The following TSPEAR variants were observed in gnomAD, a reference collection of about 807,000 sequenced individuals.
TSPEAR encodes thrombospondin type laminin G domain and EAR repeats.
Under a neutral mutation model 71.6 loss-of-function variants are expected in TSPEAR, and 69 were observed. The ratio of observed to expected loss-of-function variants is 0.96; its 90% confidence interval spans 0.79 to 1.18. The LOEUF (loss-of-function observed/expected upper bound fraction) is 1.18. TSPEAR is among the 50% of genes most tolerant of loss of function. The pLI is 0.00. For missense variants in TSPEAR, 971 were observed against 894.9 expected, an observed-to-expected ratio of 1.09 and a Z score of -1.09; for synonymous variants, 402 against 387.2, an observed-to-expected ratio of 1.04 and a Z score of -0.45.
chr21:44,504,158 GTCTCTT>G (rs2052129421), intron 11 of TSPEAR, among the ~76,000 whole-genome samples: 1 of 144,236 alleles, frequency 6.9e-6, no homozygotes, highest in Non-Finnish European at 1.5e-5. Flanking sequence ...GGGGAAGCAA[GTCTCTT>G]GGAGGAGGCC....
chr21:44,502,808 G>C (rs1191099088), intron 11 of TSPEAR, among the ~76,000 whole-genome samples: 2 of 149,864 alleles, frequency 1.3e-5, no homozygotes, highest in Non-Finnish European at 3.0e-5. Context: ...GAGCCCCCGG[G>C]GGGAAGCAAG....
intron 1 of TSPEAR, chr21:44,580,742 T>G: frequency 1.3e-6 from 1 of 743,378 alleles, no homozygotes; most frequent in Middle Eastern, 3.9e-4. Context: ...CAAGCTTCTC[T>G]TCCTTGTTGG....
Position 44,612,583 on chromosome 21 carries a change from C to T in TSPEAR, c.83-44578G>A, listed in dbSNP as rs1205825988. 1.2e-6 allele frequency: 2 copies of T among 1,614,046 alleles called. No homozygotes were observed. The highest frequency in any genetic ancestry group is 1.7e-6 in the Non-Finnish European group (2 of 1,180,024). ...CAGCTTGCTGCACCTTCTCCCCATG[C>T]CAACAGGCCTGCTGTGTGCCCATCT... On this transcript the variant is annotated intron_variant, in intron 1 of 11. Coordinates refer to ENST00000323084, the MANE Select transcript of TSPEAR (RefSeq NM_144991.3). The surrounding 1 kb of genome is among the most constrained non-coding windows in gnomAD (Gnocchi z 4.1).
chr21:44,584,991 C>G (rs1979245013), intron 1 of TSPEAR, among the ~76,000 whole-genome samples: 1 of 152,162 alleles, frequency 6.6e-6, no homozygotes, highest in Non-Finnish European at 1.5e-5. Context: ...GGGCATGTTT[C>G]TTTTTCAATC....
intron 1 of TSPEAR, chr21:44,579,963 G>A (rs781939589): frequency 1.2e-6 from 2 of 1,614,064 alleles, no homozygotes; most frequent in South Asian, 1.1e-5. Context: ...CAAGCCGGCT[G>A]ACAGCTAGAC....
intron 1 of TSPEAR, among the ~76,000 whole-genome samples, chr21:44,696,965 T>G (rs1601576181): frequency 6.6e-6 from 1 of 152,034 alleles, no homozygotes; most frequent in African/African-American, 2.4e-5. Context: ...CCTTGAGAGA[T>G]ATATAAGCTC....
chr21:44,547,035 T>C (rs2053313694), intron 2 of TSPEAR, among the ~76,000 whole-genome samples: 1 of 152,258 alleles, frequency 6.6e-6, no homozygotes, highest in South Asian at 2.1e-4. Flanking sequence ...ACAGGTCTTC[T>C]AAGATTTGTG....
chr21:44,637,375 T>A (rs781887311), intron 1 of TSPEAR: 24 of 1,577,816 alleles, frequency 1.5e-5, no homozygotes, highest in South Asian at 8.5e-5. Flanking sequence ...ACACACTCAC[T>A]CACTCACACA....
At chr21:44,578,118 C>T (rs587695441) in intron 1 of TSPEAR, among the ~76,000 whole-genome samples, 2 of 152,210 alleles carry the variant, frequency 1.3e-5, no homozygotes, top group Non-Finnish European at 2.9e-5. Flanking sequence ...GTCCATTAAA[C>T]CTCTTTCTTT....
intron 1 of TSPEAR, among the ~76,000 whole-genome samples, chr21:44,582,643 C>T (rs1442248297): frequency 6.6e-6 from 1 of 152,206 alleles, no homozygotes; most frequent in Non-Finnish European, 1.5e-5. Context: ...ACAGTCATTG[C>T]TGTGCCCACA....
intron 2 of TSPEAR, chr21:44,539,561 A>T (rs370636892): frequency 1.9e-6 from 3 of 1,613,004 alleles, no homozygotes; most frequent in African/African-American, 2.7e-5. Context: ...CACACAGCAG[A>T]TGGGCTTGCA....
In TSPEAR at chr21:44,669,294, G is replaced by T. The variant is rs144556341; in HGVS notation, c.82+42139C>A. On this transcript the variant is annotated intron_variant, in intron 1 of 11. Transcript: ENST00000323084. ...AAAAATTAGCTGGGTGTGGTGGCAC[G>T]TGCCTGTAGTCCCAGCTACTTGGGA... 1.3e-4 allele frequency among the ~76,000 whole-genome samples: 20 copies of T among 152,212 alleles called. 1 individual carries two copies. Among genetic ancestry groups the T allele is most frequent in the South Asian group, 6.2e-4 (3 of 4,818 alleles).
rs199858107 is a variant in TSPEAR, at chr21:44,531,069, G to A, written c.607C>T (p.Arg203Trp). The change falls in exon 4 of 12, where the codon CGG (arginine) becomes TGG (tryptophan). Residue 203 changes from arginine to tryptophan, a missense_variant. Arg to Trp is a moderately radical substitution (Grantham distance 101). Transcript: ENST00000323084. ...VKGARFFVGS[R>W]RRAKGLFMGL... The stretch of plus-strand genomic sequence containing the variant: ...ATGAACAGGCCTTTGGCTCTCCTCC[G>A]GCTGCCGACGAAGAATCGAGCTCCT... 104 of 1,613,666 alleles carry A rather than the reference G, an allele frequency of 6.4e-5. No individual in the cohort carries two copies. Among genetic ancestry groups the A allele is most frequent in the South Asian group, 5.4e-4 (49 of 91,058 alleles).
At chr21:44,558,647 T>C (rs782145535) in intron 2 of TSPEAR, 10 of 1,613,086 alleles carry the variant, frequency 6.2e-6, no homozygotes, top group Admixed American at 1.7e-5. Context: ...AGCAGCTCTC[T>C]GGGCAGGCGT....
chr21:44,574,372 C>G, intron 1 of TSPEAR: 1 of 1,608,904 alleles, frequency 6.2e-7, no homozygotes, highest in Non-Finnish European at 8.5e-7. Context: ...AGCTCCTGCA[C>G]GCCCTCGTGC....
In TSPEAR at chr21:44,558,655, C is replaced by T. The variant is rs55855868; in HGVS notation, c.303+9130G>A. 1.3e-3 allele frequency: 2,170 copies of T among 1,613,176 alleles called. 31 individuals are homozygous for T. The African/African-American group carries it at 0.025, about 18-fold the overall frequency. On this transcript the variant is annotated intron_variant, in intron 2 of 11. Coordinates refer to ENST00000323084, the MANE Select transcript of TSPEAR (RefSeq NM_144991.3). ...GGCTCACAGCAGCTCTCTGGGCAGG[C>T]GTCCACCTGCCAGGAGTCAGAGTAA...
intron 2 of TSPEAR, among the ~76,000 whole-genome samples, chr21:44,550,195 G>T (rs8131923): frequency 0.016 from 2,308 of 143,222 alleles, 46 homozygotes; most frequent in African/African-American, 0.054. Flanking sequence ...ACAGCAGAAC[G>T]TGCCACGAGG....
chr21:44,592,413 G>A (rs1425524198), intron 1 of TSPEAR: 2 of 1,606,728 alleles, frequency 1.2e-6, no homozygotes, highest in African/African-American at 1.3e-5. Context: ...AAGAGTCACA[G>A]GAACCAGGAA....
At chr21:44,658,398 G>A (rs587664039) in intron 1 of TSPEAR, 19 of 898,874 alleles carry the variant, frequency 2.1e-5, no homozygotes, top group Admixed American at 1.7e-4. Context: ...ACTCTGGGGT[G>A]AGAACGTGGA....
Sources: gnomAD v4.1 joint callset for allele counts (sites outside exome capture counted in the v4.1 genomes callset) on GRCh38, gnomAD v4.1.1 for gene constraint, Gnocchi (gnomAD v3.1) non-coding constraint, MANE v1.5 for transcripts, NCBI Gene and HGNC (gene_info 2026-07-23, HGNC 2026-07-21) for gene names.